ZBTB7C: variants seen among roughly 807,000 people sequenced by gnomAD.
ZBTB7C encodes the protein zinc finger and BTB domain-containing protein 7C.
A neutral mutation model predicts 25.7 loss-of-function variants in ZBTB7C; 8 were observed. The ratio of observed to expected loss-of-function variants is 0.31; its 90% CI spans 0.18 to 0.56. The LOEUF is 0.56. ZBTB7C is among the 20% of genes least tolerant of loss of function. The pLI is 0.91. For synonymous variants in ZBTB7C, 394 were observed against 369.0 expected, an observed-to-expected ratio of 1.07 and a Z score of -0.78; for missense variants, 824 against 855.2, an observed-to-expected ratio of 0.96 and a Z score of 0.46.
chr18:48,343,197 C>T (rs1215572745), intron 1 of ZBTB7C, among the ~76,000 whole-genome samples: 3 of 152,132 alleles, frequency 2.0e-5, no homozygotes, highest in Non-Finnish European at 2.9e-5. Flanking sequence ...AAGCCAGGTA[C>T]CTTCTACTAC....
intron 3 of ZBTB7C, among the ~76,000 whole-genome samples, chr18:48,108,161 C>T (rs1158821937): frequency 6.6e-6 from 1 of 152,130 alleles, no homozygotes. Flanking sequence ...CCCTATTTTA[C>T]AGGGAGGAAA....
At chr18:48,056,338 A>C (rs566000807) in intron 3 of ZBTB7C, among the ~76,000 whole-genome samples, 1 of 152,230 alleles carries the variant, frequency 6.6e-6, no homozygotes, top group Non-Finnish European at 1.5e-5. Context: ...AATCCCAATA[A>C]AAATATCGGA....
intron 3 of ZBTB7C, chr18:48,185,509 A>C (rs2042032840): frequency 3.2e-6 from 1 of 308,546 alleles, no homozygotes; most frequent in Non-Finnish European, 6.3e-6. Flanking sequence ...CTGTGACTGC[A>C]CTTAGTTTAA....
intron 2 of ZBTB7C, among the ~76,000 whole-genome samples, chr18:48,201,061 G>A (rs910257564): frequency 1.3e-5 from 2 of 152,120 alleles, no homozygotes; most frequent in African/African-American, 4.8e-5. Flanking sequence ...TTCCATACAG[G>A]ACAACATCCC....
chr18:48,108,762 T>C (rs1450225775), intron 3 of ZBTB7C, among the ~76,000 whole-genome samples: 1 of 152,090 alleles, frequency 6.6e-6, no homozygotes, highest in African/African-American at 2.4e-5. Flanking sequence ...GCCATGTTTA[T>C]CCAGCTCTTA....
At chr18:48,217,059 C>T (rs1448355933) in intron 2 of ZBTB7C, among the ~76,000 whole-genome samples, 1 of 152,142 alleles carries the variant, frequency 6.6e-6, no homozygotes, top group East Asian at 1.9e-4. Context: ...CACAGGCTGC[C>T]AGCAGCCCTC....
intron 1 of ZBTB7C, among the ~76,000 whole-genome samples, chr18:48,356,046 C>T (rs1404467067): frequency 1.0e-5 from 1 of 98,402 alleles, no homozygotes; most frequent in Non-Finnish European, 2.0e-5. Context: ...GAATCAGATG[C>T]TCTGGTGGTG....
chr18:48,061,079 C>T (rs1188607230), intron 3 of ZBTB7C, among the ~76,000 whole-genome samples: 1 of 152,068 alleles, frequency 6.6e-6, no homozygotes, highest in African/African-American at 2.4e-5. Flanking sequence ...AAGGGGTTTA[C>T]CACGCAGTGA....
chr18:48,336,537 G>A (rs904176151), intron 2 of ZBTB7C, among the ~76,000 whole-genome samples: 12 of 152,148 alleles, frequency 7.9e-5, no homozygotes, highest in East Asian at 1.9e-4. Context: ...ACTCCCTCCC[G>A]TGGAAGCAAA....
chr18:48,374,017 G>A (rs1167517598), intron 1 of ZBTB7C, among the ~76,000 whole-genome samples: 1 of 151,336 alleles, frequency 6.6e-6, no homozygotes, highest in East Asian at 1.9e-4. Context: ...TCTTGCTCCT[G>A]TTCTCACCAT....
intron 3 of ZBTB7C, among the ~76,000 whole-genome samples, chr18:48,067,819 T>C (rs1252359098): frequency 6.6e-6 from 1 of 152,022 alleles, no homozygotes; most frequent in African/African-American, 2.4e-5. Flanking sequence ...CTGACCAACA[T>C]GGAGAAACCC....
intron 2 of ZBTB7C, among the ~76,000 whole-genome samples, chr18:48,226,428 A>C (rs142614192): frequency 6.6e-6 from 1 of 152,364 alleles, no homozygotes; most frequent in African/African-American, 2.4e-5. Flanking sequence ...TAAGCAAGGT[A>C]CTATGTTGAG....
At position 48,029,323 on chromosome 18, in the gene ZBTB7C, C is replaced by G. The variant is rs1455607577; in HGVS notation, c.1797G>C (p.Leu599=). The G allele has an allele frequency of 1.3e-6, 2 of 1,538,226 alleles. No individual in the cohort carries two copies. The highest frequency in any genetic ancestry group is 8.7e-7 in the Non-Finnish European group (1 of 1,147,658). Residue 599 remains leucine (L), a synonymous_variant, in exon 5 of 5, where the codon CTG becomes CTC. Transcript: ENST00000590800. ...FPLPDPWAAG[L]AGLPGLAGLN... ...GGCCGGCGAGCCCAGGGAGGCCGGC[C>G]AGGCCGGCGGCCCAAGGGTCGGGCA...
intron 2 of ZBTB7C, among the ~76,000 whole-genome samples, chr18:48,245,092 G>GTGTATATATATATATATATATATATATA (rs1555723392): frequency 7.9e-6 from 1 of 126,328 alleles, no homozygotes; most frequent in African/African-American, 3.2e-5. Context: ...GTGTGTGTGT[G>GTGTATATATATATATATATATATATATA]TATATATATA....
At chr18:48,138,080 C>T (rs949796657) in intron 3 of ZBTB7C, among the ~76,000 whole-genome samples, 73 of 152,372 alleles carry the variant, frequency 4.8e-4, no homozygotes, top group African/African-American at 1.7e-3. Context: ...TGAATCTTTC[C>T]TGTTGATCAT....
At chr18:48,386,713 C>T (rs1468536732) in intron 1 of ZBTB7C, among the ~76,000 whole-genome samples, 1 of 152,212 alleles carries the variant, frequency 6.6e-6, no homozygotes, top group African/African-American at 2.4e-5. Flanking sequence ...TGCAAGGACG[C>T]TCAGTCAAAG....
chr18:48,349,438 T>C (rs1165205597), intron 1 of ZBTB7C, among the ~76,000 whole-genome samples: 1 of 152,194 alleles, frequency 6.6e-6, no homozygotes, highest in Admixed American at 6.5e-5. Flanking sequence ...GGAGTCCCTA[T>C]AATATGTTCT....
chr18:48,220,711 T>C (rs553814865), intron 2 of ZBTB7C, among the ~76,000 whole-genome samples: 1 of 152,144 alleles, frequency 6.6e-6, no homozygotes, highest in Non-Finnish European at 1.5e-5. Context: ...ACTTCTTACA[T>C]GCCAAGTACT....
chr18:48,085,891 T>A (rs2038172989), intron 3 of ZBTB7C, among the ~76,000 whole-genome samples: 1 of 152,134 alleles, frequency 6.6e-6, no homozygotes, highest in Admixed American at 6.5e-5. Context: ...GTGGGAGGCC[T>A]CTGAGGGGCT....
Sources: gnomAD v4.1 joint callset for allele counts (sites outside exome capture counted in the v4.1 genomes callset) on GRCh38, gnomAD v4.1.1 for gene constraint, MANE v1.5 for transcripts, NCBI Gene and HGNC (gene_info 2026-07-23, HGNC 2026-07-21) for gene names.